The following DST variants were observed in gnomAD, a reference collection of about 807,000 sequenced individuals.
DST encodes the protein bullous pemphigoid antigen.
Under a neutral mutation model 875.2 loss-of-function variants are expected in DST, and 253 were observed. That is an observed-to-expected ratio of 0.29 (90% CI 0.26 to 0.32). The LOEUF is 0.32. Among genes scored for constraint, DST ranks in the 10% least tolerant of loss-of-function variants. DST has a pLI of 1.00. For missense variants in DST, 8,287 were observed against 9,111.6 expected, an observed-to-expected ratio of 0.91 and a Z score of 3.68; for synonymous variants, 3,124 against 3,197.1, an observed-to-expected ratio of 0.98 and a Z score of 0.77.
intron 36 of DST, chr6:56,616,021 G>T (rs762219157): frequency 6.2e-7 from 1 of 1,614,032 alleles, no homozygotes; most frequent in Non-Finnish European, 8.5e-7. Flanking sequence ...TACTGACTTG[G>T]GCTTCAAGGC....
Position 56,871,589 on chromosome 6 carries a change from T to A in DST, c.418-19985A>T. On this transcript the variant is annotated intron_variant, in intron 3 of 103. Coordinates refer to ENST00000680361, the MANE Select transcript of DST (RefSeq NM_001374736.1). The stretch of plus-strand genomic sequence containing the variant: ...CACACTGCTGGACCTACAGAGCTCA[T>A]GGTTGGATTAACCCATACATGAGCT... The A allele has an allele frequency of 3.6e-6, 3 of 842,552 alleles. No individual in the cohort carries two copies. The East Asian group carries it at 7.3e-5, about 20-fold the overall frequency. The allele number at this position is 842,552 out of a possible 1,614,324, so 52.2% of individuals were successfully genotyped here. A position where few individuals can be genotyped will look rare whatever the true frequency, so the allele number is the denominator to read the frequency against.
In DST at chr6:56,607,821, C is replaced by T. The variant is rs771568337; in HGVS notation, c.6807G>A (p.Lys2269=). The part of the protein sequence containing the change: ...VFLNNASGRE[K]DECTATPSSF... ...TACTTGGTGTAGCTGTACATTCATC[C>T]TTTTCTCTACCTGAAGCATTATTAA... Residue 2269 remains lysine, a synonymous_variant, in exon 40 of 104, where the codon AAG becomes AAA. Coordinates refer to ENST00000680361, the MANE Select transcript of DST (RefSeq NM_001374736.1). The T allele has an allele frequency of 2.5e-6, 4 of 1,613,466 alleles. No individual in the cohort carries two copies. The highest frequency in any genetic ancestry group is 3.4e-6 in the Non-Finnish European group (4 of 1,179,692).
intron 49 of DST, among the ~76,000 whole-genome samples, chr6:56,591,333 T>C (rs1451278374): frequency 6.6e-6 from 1 of 152,240 alleles, no homozygotes; most frequent in Non-Finnish European, 1.5e-5. Context: ...TTCAAGTTTG[T>C]ATCTCTATGA....
intron 4 of DST, among the ~76,000 whole-genome samples, chr6:56,775,806 A>C (rs2099677868): frequency 6.6e-6 from 1 of 152,248 alleles, no homozygotes; most frequent in Admixed American, 6.5e-5. Context: ...ATAAATATCT[A>C]CAAGTCCATA....
intron 47 of DST, among the ~76,000 whole-genome samples, chr6:56,596,367 G>C (rs997675895): frequency 3.9e-5 from 6 of 152,098 alleles, no homozygotes; most frequent in African/African-American, 1.4e-4. Context: ...CATATTCTTT[G>C]AGGTAAAATG....
chr6:56,859,894 G>A (rs1033314893), intron 3 of DST, among the ~76,000 whole-genome samples: 5 of 152,112 alleles, frequency 3.3e-5, no homozygotes, highest in African/African-American at 9.7e-5. Flanking sequence ...GCTAAATCAA[G>A]TCGAGCCTCC....
rs190116742 is a variant in DST, at chr6:56,930,513, C to T, written c.216+23272G>A. ...TTAGTTATATCTTCCTTTTTGTATA[C>T]AATATTCAATGATAGATTTCCAGAA... On this transcript the variant is annotated intron_variant, in intron 2 of 103. Transcript: ENST00000680361. Among the ~76,000 whole-genome samples, 331 of 152,262 alleles carry T rather than the reference C, an allele frequency of 2.2e-3. 1 individual carries two copies. Among genetic ancestry groups the T allele is most frequent in the Non-Finnish European group, 3.0e-3 (207 of 68,016 alleles).
chr6:56,533,545 T>C (rs1465754965), intron 63 of DST, among the ~76,000 whole-genome samples: 1 of 152,236 alleles, frequency 6.6e-6, no homozygotes, highest in East Asian at 1.9e-4. Flanking sequence ...TTTTATATAC[T>C]AAAGTCATGA....
rs764588106 is a variant in DST at position 56,527,632 on chromosome 6, G to A, written c.17783C>T (p.Ala5928Val). 2.4e-5 allele frequency: 38 copies of A among 1,613,670 alleles called. No homozygotes were observed. Among genetic ancestry groups the A allele is most frequent in the Admixed American group, 1.2e-4 (7 of 59,900 alleles). Residue 5928 changes from alanine to valine, a missense_variant, in exon 68 of 104, where the codon GCG (alanine) becomes GTG (valine). Physicochemically the swap from Ala to Val is moderately conservative, Grantham distance 64 (BLOSUM62 0). Coordinates refer to ENST00000680361, the MANE Select transcript of DST (RefSeq NM_001374736.1). Reference sequence around the variant, plus strand: ...GTGCAGCCGCCTTGCAAGCTGCAGCGCCTGTTCCAGAGTCTTGGCCACATC... The same window carrying A: ...GTGCAGCCGCCTTGCAAGCTGCAGCACCTGTTCCAGAGTCTTGGCCACATC... Reference protein sequence around the residue: ...STDVAKTLEQALQLARRLHST... With the variant: ...STDVAKTLEQVLQLARRLHST...
intron 44 of DST, among the ~76,000 whole-genome samples, chr6:56,601,170 G>A (rs1161825480): frequency 6.6e-6 from 1 of 151,906 alleles, no homozygotes; most frequent in Admixed American, 6.6e-5. Context: ...ATTTCTAAGT[G>A]CATTCAAATT....
intron 69 of DST, among the ~76,000 whole-genome samples, chr6:56,519,891 T>C (rs961614843): frequency 2.6e-5 from 4 of 152,152 alleles, no homozygotes; most frequent in African/African-American, 9.7e-5. Context: ...TAGATGCCAA[T>C]ACCCAGATGG....
chr6:56,712,896 G>A (rs993383173), intron 5 of DST, among the ~76,000 whole-genome samples: 7 of 152,146 alleles, frequency 4.6e-5, no homozygotes, highest in South Asian at 4.2e-4. Context: ...CTCTTGTAAC[G>A]TTATACCAAA....
chr6:56,487,324 C>T (rs2095601453), intron 86 of DST, 51 bp from the exon 87 acceptor site: 1 of 1,480,624 alleles, frequency 6.8e-7, no homozygotes, highest in Admixed American at 2.1e-5. Context: ...GACTAATAAA[C>T]AGGTAAGAGG....
chr6:56,549,646 C>T (rs1584702754), intron 61 of DST, among the ~76,000 whole-genome samples: 1 of 152,146 alleles, frequency 6.6e-6, no homozygotes, highest in African/African-American at 2.4e-5. Context: ...TATCATATCA[C>T]GGCACCTACA....
chr6:56,638,368 T>C (rs1440947871), intron 22 of DST, among the ~76,000 whole-genome samples: 1 of 152,168 alleles, frequency 6.6e-6, no homozygotes. Context: ...GTATTTTATA[T>C]AAAAGATCAT....
At chr6:56,905,517 T>C (rs1039245394) in intron 2 of DST, among the ~76,000 whole-genome samples, 1 of 152,214 alleles carries the variant, frequency 6.6e-6, no homozygotes, top group Non-Finnish European at 1.5e-5. Context: ...TATTTGTCTT[T>C]CTGTGACTGA....
chr6:56,901,679 A>AT (rs1465762773), intron 2 of DST, among the ~76,000 whole-genome samples: 1 of 152,072 alleles, frequency 6.6e-6, no homozygotes, highest in Non-Finnish European at 1.5e-5. Flanking sequence ...GTATATATAT[A>AT]TACATGTAAA....
chr6:56,463,617 C>T lies in DST; in HGVS notation c.22907G>A (p.Ser7636Asn). Residue 7636 changes from serine to asparagine, a missense_variant, in exon 101 of 104, where the codon AGT (serine) becomes AAT (asparagine). Ser to Asn is a conservative substitution (Grantham distance 46, BLOSUM62 1). Transcript: ENST00000680361. ...ASPNRSTSVSSQAAQAASPQV... is the reference protein window; with the variant it reads ...ASPNRSTSVSNQAAQAASPQV... Reference sequence around the variant, plus strand: ...TGGGGAGGCCGCCTGCGCAGCCTGACTGGACACAGAAGTGGATCTGTTGGG... The same window carrying T: ...TGGGGAGGCCGCCTGCGCAGCCTGATTGGACACAGAAGTGGATCTGTTGGG... 6.2e-7 allele frequency: 1 copy of T among 1,611,690 alleles called. No individual in the cohort carries two copies. The highest frequency in any genetic ancestry group is 1.1e-5 in the South Asian group (1 of 90,912).
At chr6:56,479,415 C>T (rs1430047618) in intron 90 of DST, among the ~76,000 whole-genome samples, 1 of 152,078 alleles carries the variant, frequency 6.6e-6, no homozygotes, top group Non-Finnish European at 1.5e-5. Flanking sequence ...CCAGCAATTC[C>T]ACTACTCGGT....
Sources: allele counts gnomAD v4.1 joint callset (sites outside exome capture counted in the v4.1 genomes callset), GRCh38; gene constraint gnomAD v4.1.1; transcripts MANE v1.5; gene names NCBI Gene and HGNC (gene_info 2026-07-23, HGNC 2026-07-21).